SSU72L3: variants seen among roughly 807,000 people sequenced by gnomAD.
The protein encoded by SSU72L3 is RNA polymerase II subunit A C-terminal domain phosphatase SSU72 like protein 3.
chr11:4,330,616 G>A, the SSU72L3 span, among the ~76,000 whole-genome samples: 94 of 152,154 alleles, frequency 6.2e-4, no homozygotes, highest in Non-Finnish European at 1.1e-3. Flanking sequence ...TATTTTATGG[G>A]AAATGAGAAG....
the SSU72L3 span, chr11:4,329,845 G>C: frequency 8.8e-6 from 6 of 679,534 alleles, no homozygotes; most frequent in East Asian, 1.3e-4. Flanking sequence ...GTGTCTCTCT[G>C]GTTCCCAGTG....
chr11:4,330,147 C>T, the SSU72L3 span: 4 of 750,618 alleles, frequency 5.3e-6, no homozygotes, highest in Non-Finnish European at 7.4e-6. Context: ...CAAGCCCGGT[C>T]CAGAAAGATT....
At chr11:4,329,819 A>G in the SSU72L3 span, 4 of 633,460 alleles carry the variant, frequency 6.3e-6, no homozygotes, top group Non-Finnish European at 1.1e-5. Flanking sequence ...GAGTCCCTGC[A>G]GCAACTGAGG....
chr11:4,329,879 A>C, the SSU72L3 span: 7 of 724,060 alleles, frequency 9.7e-6, no homozygotes, highest in Admixed American at 7.6e-5. Context: ...TCTCCTCCCC[A>C]CTCAGGGTGG....
the SSU72L3 span, chr11:4,329,791 G>T: frequency 3.4e-6 from 2 of 596,022 alleles, no homozygotes; most frequent in Admixed American, 3.0e-5. Flanking sequence ...GGGTATAGGT[G>T]GTCGTCTCCT....
the SSU72L3 span, chr11:4,330,351 C>A: frequency 1.3e-6 from 1 of 760,894 alleles, no homozygotes; most frequent in South Asian, 1.4e-5. Context: ...CCAGTGCCTG[C>A]AGCAGTCAGA....
the SSU72L3 span, chr11:4,330,288 C>T: frequency 2.9e-5 from 22 of 758,638 alleles, no homozygotes; most frequent in Non-Finnish European, 4.6e-5. Flanking sequence ...CATGGACATC[C>T]AAGATACCCT....
the SSU72L3 span, chr11:4,329,901 G>C: frequency 8.2e-6 from 6 of 729,420 alleles, no homozygotes; most frequent in South Asian, 1.6e-5. Context: ...TGTGGTGTGC[G>C]TGAGCAATGT....
the SSU72L3 span, among the ~76,000 whole-genome samples, chr11:4,330,669 C>G: frequency 1.3e-5 from 2 of 152,130 alleles, no homozygotes; most frequent in Non-Finnish European, 1.5e-5. Flanking sequence ...TGGCATTGTG[C>G]TAGGTGCATT....
At chr11:4,330,750 G>A in the SSU72L3 span, among the ~76,000 whole-genome samples, 1 of 152,182 alleles carries the variant, frequency 6.6e-6, no homozygotes, top group Non-Finnish European at 1.5e-5. Context: ...CCATTTTCCA[G>A]ATAAGCAAAC....
the SSU72L3 span, chr11:4,330,362 C>T: frequency 0.13 from 97,470 of 758,002 alleles, 6,598 homozygotes; most frequent in South Asian, 0.19. Context: ...AGCAGTCAGA[C>T]GACATAGAAG....
At chr11:4,330,369 G>A in the SSU72L3 span, 1 of 761,216 alleles carries the variant, frequency 1.3e-6, no homozygotes, top group Non-Finnish European at 2.4e-6. Context: ...AGACGACATA[G>A]AAGACAATCT....
the SSU72L3 span, chr11:4,330,132 A>G: frequency 2.5e-5 from 19 of 751,498 alleles, no homozygotes; most frequent in Non-Finnish European, 4.2e-5. Flanking sequence ...AAGAAATGAG[A>G]GAATCAAGCC....
At chr11:4,330,830 G>T in the SSU72L3 span, among the ~76,000 whole-genome samples, 1 of 152,120 alleles carries the variant, frequency 6.6e-6, no homozygotes, top group African/African-American at 2.4e-5. Flanking sequence ...ACATTGTATA[G>T]ATAAGCACCT....
At chr11:4,330,014 T>A in the SSU72L3 span, 2 of 773,784 alleles carry the variant, frequency 2.6e-6, no homozygotes, top group Non-Finnish European at 4.8e-6. Context: ...CAAGACCCAA[T>A]CGTCCTGTAG....
chr11:4,330,755 G>T, the SSU72L3 span, among the ~76,000 whole-genome samples: 918 of 150,420 alleles, frequency 6.1e-3, no homozygotes, highest in Middle Eastern at 7.0e-3. Flanking sequence ...TTCCAGATAA[G>T]CAAACCGAGC....
At chr11:4,330,056 G>A in the SSU72L3 span, 2 of 776,922 alleles carry the variant, frequency 2.6e-6, no homozygotes, top group Admixed American at 1.7e-5. Context: ...ATAAGCAGAT[G>A]TACAATGACC....
the SSU72L3 span, chr11:4,330,384 G>C: frequency 5.3e-6 from 4 of 758,740 alleles, no homozygotes; most frequent in South Asian, 4.1e-5. Context: ...CAATCTGGAG[G>C]AGCTGCTGTT....
At chr11:4,329,923 T>C in the SSU72L3 span, 1 of 733,280 alleles carries the variant, frequency 1.4e-6, no homozygotes, top group Non-Finnish European at 2.5e-6. Flanking sequence ...AACAGGAGCA[T>C]GGAGGCCCAC....
Sources: gnomAD v4.1 joint callset for allele counts (sites outside exome capture counted in the v4.1 genomes callset) on GRCh38, gnomAD v4.1.1 for gene constraint, MANE v1.5 for transcripts, NCBI Gene and HGNC (gene_info 2026-07-23, HGNC 2026-07-21) for gene names.